The following LINGO2 variants were observed in gnomAD, a reference collection of about 807,000 sequenced individuals.
The protein encoded by LINGO2 is leucine rich repeat and Ig domain containing 2.
In LINGO2, 14 loss-of-function variants were observed where a neutral mutation model predicts 30.6. The observed-to-expected ratio is 0.46, with a 90% CI of 0.30 to 0.72. The LOEUF is 0.72. LINGO2 is among the 30% of genes least tolerant of loss of function. The probability of loss-of-function intolerance (pLI) is 0.07; values close to 1 mark genes in which losing one functional copy is unlikely to be tolerated. For missense variants in LINGO2, 729 were observed against 751.7 expected (o/e 0.97, Z 0.35); for synonymous variants, 317 against 288.5 (o/e 1.10, Z -1.00).
At chr9:28,769,584 G>A in the LINGO2 span, among the ~76,000 whole-genome samples, 4,803 of 122,530 alleles carry the variant, frequency 0.039, 207 homozygotes, top group Admixed American at 0.094. Flanking sequence ...CAAGTTCATA[G>A]GTTTATTCAA....
chr9:29,006,661 C>A, the LINGO2 span, among the ~76,000 whole-genome samples: 3 of 152,056 alleles, frequency 2.0e-5, no homozygotes, highest in Non-Finnish European at 4.4e-5. Flanking sequence ...GTAGCAACAG[C>A]ACAGAGTAGT....
the LINGO2 span, among the ~76,000 whole-genome samples, chr9:28,874,072 T>G: frequency 6.6e-6 from 1 of 152,040 alleles, no homozygotes; most frequent in Non-Finnish European, 1.5e-5. Context: ...ACTTATTAAT[T>G]TGGTCATCTG....
At chr9:28,717,208 A>G in the LINGO2 span, among the ~76,000 whole-genome samples, 4,055 of 152,062 alleles carry the variant, frequency 0.027, 190 homozygotes, top group African/African-American at 0.089. Flanking sequence ...TCCAGTGTCA[A>G]AGGAGTCATT....
rs1317332363 is a variant in LINGO2 at position 28,126,942 on chromosome 9, C to A, written c.-86-114537G>T. ...AAAAAGAAAAGGAAATAAATGTATA[C>A]CTAACATTTTTTATAAATAAAGAAT... On this transcript the variant is annotated intron_variant, in intron 4 of 5. Coordinates refer to ENST00000379992, the Ensembl canonical transcript of LINGO2. 2.0e-5 allele frequency among the ~76,000 whole-genome samples: 3 copies of A among 152,142 alleles called. No homozygotes were observed. The East Asian group carries it at 5.8e-4, about 29-fold the overall frequency.
chr9:28,624,799 C>T (rs1394120517), intron 1 of LINGO2, among the ~76,000 whole-genome samples: 2 of 151,282 alleles, frequency 1.3e-5, no homozygotes, highest in Admixed American at 6.6e-5. Flanking sequence ...GAATGGGGTC[C>T]TTATGGCTTG....
chr9:28,000,375 G>A (rs923690660), intron 5 of LINGO2, among the ~76,000 whole-genome samples: 22 of 148,434 alleles, frequency 1.5e-4, no homozygotes, highest in Non-Finnish European at 2.8e-4. Flanking sequence ...CCGAAAAGAA[G>A]GAGGAGAAAA....
At chr9:28,881,886 T>A in the LINGO2 span, among the ~76,000 whole-genome samples, 1 of 152,256 alleles carries the variant, frequency 6.6e-6, no homozygotes, top group Non-Finnish European at 1.5e-5. Context: ...CTTCCGCTTA[T>A]AAGCGAGAAC....
intron 4 of LINGO2, among the ~76,000 whole-genome samples, chr9:28,078,409 T>TAAAG (rs1441651944): frequency 2.0e-5 from 3 of 149,078 alleles, no homozygotes; most frequent in African/African-American, 7.8e-5. Flanking sequence ...TTAGAGAACT[T>TAAAG]AAAGAAATGT....
At chr9:28,257,882 C>T (rs1462485849) in intron 4 of LINGO2, among the ~76,000 whole-genome samples, 1 of 151,844 alleles carries the variant, frequency 6.6e-6, no homozygotes, top group Non-Finnish European at 1.5e-5. Context: ...GCCCATGTAA[C>T]ATTAATCCTT....
chr9:28,030,914 A>C (rs902059561), intron 4 of LINGO2, among the ~76,000 whole-genome samples: 1 of 152,214 alleles, frequency 6.6e-6, no homozygotes, highest in Non-Finnish European at 1.5e-5. Flanking sequence ...CATACCATTG[A>C]CAAATTGCTG....
chr9:28,642,198 GAAAAA>G (rs943218121), intron 1 of LINGO2, among the ~76,000 whole-genome samples: 4 of 150,742 alleles, frequency 2.7e-5, no homozygotes, highest in South Asian at 4.2e-4. Context: ...TGAAAACTGA[GAAAAA>G]AAGTTTCCCT....
At chr9:28,386,694 G>T (rs962302299) in intron 2 of LINGO2, among the ~76,000 whole-genome samples, 1 of 152,072 alleles carries the variant, frequency 6.6e-6, no homozygotes, top group South Asian at 2.1e-4. Context: ...CTCCAATATG[G>T]CACTTCTAAT....
chr9:28,188,414 C>G (rs1262201771), intron 4 of LINGO2, among the ~76,000 whole-genome samples: 1 of 152,160 alleles, frequency 6.6e-6, no homozygotes, highest in Non-Finnish European at 1.5e-5. Flanking sequence ...TGGCCATCCT[C>G]TCTTCAACCA....
intron 1 of LINGO2, among the ~76,000 whole-genome samples, chr9:28,534,987 G>A (rs961453595): frequency 1.2e-4 from 18 of 152,088 alleles, no homozygotes; most frequent in African/African-American, 3.9e-4. Context: ...AAGCATAAAT[G>A]TAACAGTAAT....
the LINGO2 span, among the ~76,000 whole-genome samples, chr9:28,675,924 T>TATATATAC: frequency 2.2e-5 from 3 of 137,736 alleles, no homozygotes; most frequent in South Asian, 4.5e-4. Flanking sequence ...TATATATATA[T>TATATATAC]ACATACACAC....
chr9:28,405,340 A>G (rs1822457678), intron 2 of LINGO2, among the ~76,000 whole-genome samples: 1 of 152,126 alleles, frequency 6.6e-6, no homozygotes, highest in Non-Finnish European at 1.5e-5. Context: ...CTTCAAAGAG[A>G]GTGCTCATTC....
intron 4 of LINGO2, among the ~76,000 whole-genome samples, chr9:28,273,627 T>G (rs181877878): frequency 1.3e-5 from 2 of 152,314 alleles, no homozygotes; most frequent in African/African-American, 4.8e-5. Context: ...ATTTTGTGTT[T>G]GCTTACTATT....
chr9:29,007,173 T>C, the LINGO2 span, among the ~76,000 whole-genome samples: 2 of 152,160 alleles, frequency 1.3e-5, no homozygotes, highest in South Asian at 2.1e-4. Flanking sequence ...TTTAAAGATA[T>C]ACAAAATTGT....
chr9:29,176,337 T>C, the LINGO2 span, among the ~76,000 whole-genome samples: 1 of 152,182 alleles, frequency 6.6e-6, no homozygotes, highest in Non-Finnish European at 1.5e-5. Flanking sequence ...TTGTTGAGAC[T>C]AAAATTGAGC....
Sources: gnomAD v4.1 joint callset for allele counts (sites outside exome capture counted in the v4.1 genomes callset) on GRCh38, gnomAD v4.1.1 for gene constraint, MANE v1.5 for transcripts, NCBI Gene and HGNC (gene_info 2026-07-23, HGNC 2026-07-21) for gene names.